The following GFOD1 variants were observed in gnomAD, a reference collection of about 807,000 sequenced individuals.
The protein encoded by GFOD1 is glucose-fructose oxidoreductase domain-containing protein 1.
In GFOD1, 9 loss-of-function variants were observed where a neutral mutation model predicts 25.4. The observed-to-expected ratio is 0.35, with a 90% CI of 0.21 to 0.62. The LOEUF (loss-of-function observed/expected upper bound fraction) is 0.62. Ranked by LOEUF, GFOD1 falls within the 20% of genes least tolerant of loss-of-function variation. GFOD1 has a pLI of 0.72. For synonymous variants in GFOD1, 253 were observed against 245.6 expected (o/e 1.03, Z -0.28); for missense variants, 403 against 556.9 (o/e 0.72, Z 2.78).
intron 1 of GFOD1, among the ~76,000 whole-genome samples, chr6:13,444,896 A>T (rs1295095670): frequency 6.6e-6 from 1 of 152,238 alleles, no homozygotes; most frequent in Non-Finnish European, 1.5e-5. Context: ...TATATGATCG[A>T]TATATACCAT....
At chr6:13,409,431 A>G (rs1299235806) in intron 1 of GFOD1, among the ~76,000 whole-genome samples, 1 of 152,158 alleles carries the variant, frequency 6.6e-6, no homozygotes, top group African/African-American at 2.4e-5. Context: ...TCCTAAGAAG[A>G]AAATGAAATG....
chr6:13,362,829 G>A lies in GFOD1; in HGVS notation c.*1914C>T, dbSNP rs1784968328. 6.6e-6 allele frequency: 1 copy of A among 152,214 alleles called. No individual in the cohort carries two copies. Among genetic ancestry groups the A allele is most frequent in the South Asian group, 2.1e-4 (1 of 4,828 alleles). The allele number at this position is 152,214 out of a possible 1,614,324, so 9.4% of individuals were successfully genotyped here. A position where few individuals can be genotyped will look rare whatever the true frequency, so the allele number is the denominator to read the frequency against. ...GGGCTTCAAAGAATATTGACCCTAG[G>A]GAGGACAATGAAGGATGCAACTGAT... is the stretch of plus-strand genomic sequence containing the variant. On this transcript the variant is annotated 3_prime_UTR_variant, in exon 2 of 2. Transcript: ENST00000379287.
At chr6:13,486,570 G>T (rs1584681087) in intron 1 of GFOD1, 68 bp downstream of exon 1, 2 of 1,338,288 alleles carry the variant, frequency 1.5e-6, no homozygotes, top group East Asian at 4.7e-5. Context: ...GAAAGGCAGG[G>T]GGGAAGGAAC....
chr6:13,381,476 C>A (rs145374829), intron 1 of GFOD1, among the ~76,000 whole-genome samples: 1 of 152,196 alleles, frequency 6.6e-6, no homozygotes, highest in Admixed American at 6.5e-5. Context: ...AGGGTCCCAG[C>A]GGAGCTGAAA....
chr6:13,390,792 G>GAAGGAAGGAAGGAAGGAAGA (rs1785584992), intron 1 of GFOD1, among the ~76,000 whole-genome samples: 6 of 147,342 alleles, frequency 4.1e-5, no homozygotes, highest in Non-Finnish European at 7.5e-5. Flanking sequence ...AGGAAGGAAG[G>GAAGGAAGGAAGGAAGGAAGA]AAGGAAGGAA....
At chr6:13,384,765 C>T (rs1256226608) in intron 1 of GFOD1, among the ~76,000 whole-genome samples, 3 of 152,168 alleles carry the variant, frequency 2.0e-5, no homozygotes, top group African/African-American at 7.2e-5. Flanking sequence ...ATCCATTTTT[C>T]TGAGCTCTCT....
chr6:13,482,282 T>C (rs1016615555), intron 1 of GFOD1, among the ~76,000 whole-genome samples: 6 of 148,544 alleles, frequency 4.0e-5, no homozygotes, highest in Non-Finnish European at 1.5e-5. Flanking sequence ...TGCTTAACAT[T>C]GATTATATTA....
rs557822561 is a variant in GFOD1, at chr6:13,428,216, G to C, written c.253+58422C>G. On this transcript the variant is annotated intron_variant, in intron 1 of 1. Coordinates refer to ENST00000379287, the MANE Select transcript of GFOD1 (RefSeq NM_018988.4). ...GAAAAGGAAAACCAACCCACTTTGC[G>C]GTCTCTCTGCGGTGTCTTTAGAAGG... Among the ~76,000 whole-genome samples, 3 of 152,146 alleles carry C rather than the reference G, an allele frequency of 2.0e-5. No individual in the cohort carries two copies. The South Asian group carries it at 6.2e-4, about 32-fold the overall frequency.
At chr6:13,470,494 A>C (rs1459915929) in intron 1 of GFOD1, 4 of 1,550,056 alleles carry the variant, frequency 2.6e-6, no homozygotes, top group Non-Finnish European at 3.5e-6. Context: ...CTCCAAGAGC[A>C]GCATCGTGGG....
intron 1 of GFOD1, among the ~76,000 whole-genome samples, chr6:13,385,756 C>T (rs1785461164): frequency 6.6e-6 from 1 of 152,140 alleles, no homozygotes; most frequent in Non-Finnish European, 1.5e-5. Flanking sequence ...GTGACTAAAA[C>T]AAAGCTACCT....
At chr6:13,466,494 C>T (rs1188409299) in intron 1 of GFOD1, among the ~76,000 whole-genome samples, 1 of 152,060 alleles carries the variant, frequency 6.6e-6, no homozygotes, top group African/African-American at 2.4e-5. Flanking sequence ...GTGGCAGGCA[C>T]CCACATAAAA....
At chr6:13,434,757 T>G (rs537551261) in intron 1 of GFOD1, among the ~76,000 whole-genome samples, 1 of 152,206 alleles carries the variant, frequency 6.6e-6, no homozygotes, top group Non-Finnish European at 1.5e-5. Context: ...AGGTACTCCT[T>G]GAAGACAGTA....
intron 1 of GFOD1, among the ~76,000 whole-genome samples, chr6:13,472,214 C>A (rs1002915116): frequency 2.6e-5 from 4 of 152,148 alleles, no homozygotes; most frequent in African/African-American, 9.7e-5. Context: ...CTGGGAGATA[C>A]AATTCAAGTT....
intron 1 of GFOD1, chr6:13,486,183 C>A (rs1758861830): frequency 1.0e-6 from 1 of 992,270 alleles, no homozygotes; most frequent in African/African-American, 1.8e-5. Flanking sequence ...TTTATTCAGG[C>A]GTTTCTGGGC....
chr6:13,439,396 T>C (rs1274261409), intron 1 of GFOD1, among the ~76,000 whole-genome samples: 1 of 152,242 alleles, frequency 6.6e-6, no homozygotes, highest in East Asian at 1.9e-4. Flanking sequence ...TATCTGACTG[T>C]CTCTGTCAAA....
intron 1 of GFOD1, among the ~76,000 whole-genome samples, chr6:13,416,451 G>T (rs1786164524): frequency 6.6e-6 from 1 of 152,152 alleles, no homozygotes. Context: ...AACAGCAGTC[G>T]AAGAAGGCCT....
chr6:13,430,353 C>T lies in GFOD1; in HGVS notation c.253+56285G>A, dbSNP rs1757726530. Among the ~76,000 whole-genome samples the T allele has an allele frequency of 6.6e-6, 1 of 152,150 alleles. No individual in the cohort carries two copies. The highest frequency in any genetic ancestry group is 1.5e-5 in the Non-Finnish European group (1 of 68,026). On this transcript the variant is annotated intron_variant, in intron 1 of 1. Transcript: ENST00000379287. The surrounding 1 kb of genome is among the most constrained non-coding windows in gnomAD (Gnocchi z 4.1). Reference sequence around the variant, plus strand: ...TTGGGAAGCTGAGGCAGGAGAATCACTTGAACCTGGGAGGCAGAGGTTGCA... The same window carrying T: ...TTGGGAAGCTGAGGCAGGAGAATCATTTGAACCTGGGAGGCAGAGGTTGCA...
intron 1 of GFOD1, among the ~76,000 whole-genome samples, chr6:13,442,298 C>T (rs1035780730): frequency 6.6e-6 from 1 of 152,140 alleles, no homozygotes; most frequent in Non-Finnish European, 1.5e-5. Flanking sequence ...TTTTTTTAAA[C>T]AAATTGAAGG....
chr6:13,368,510 T>C lies in GFOD1; in HGVS notation c.254-2848A>G, dbSNP rs115577110. ...TCATGCTACCAGGAACAGATTTATA[T>C]GTAAATGCAGCGGTAGGTCACTGCA... On this transcript the variant is annotated intron_variant, in intron 1 of 1. Transcript: ENST00000379287. Among the ~76,000 whole-genome samples, 905 of 152,320 alleles carry C rather than the reference T, an allele frequency of 5.9e-3. 11 individuals are homozygous for C. Among genetic ancestry groups the C allele is most frequent in the African/African-American group, 0.02 (829 of 41,554 alleles).
Sources: allele counts gnomAD v4.1 joint callset (sites outside exome capture counted in the v4.1 genomes callset), GRCh38; gene constraint gnomAD v4.1.1; non-coding constraint Gnocchi (gnomAD v3.1); transcripts MANE v1.5; gene names NCBI Gene and HGNC (gene_info 2026-07-23, HGNC 2026-07-21).